Variants in CNTN4 observed in about 807,000 individuals in gnomAD.
The protein encoded by CNTN4 is contactin-4.
CNTN4 carries 77 observed loss-of-function variants against 122.5 expected under a neutral mutation model. The observed-to-expected ratio is 0.63, with a 90% CI of 0.52 to 0.76. The LOEUF is 0.76. CNTN4 is among the 30% of genes least tolerant of loss of function. The pLI is 0.00. For missense variants in CNTN4, 1,256 were observed against 1,259.1 expected (o/e 1.00, Z 0.04); for synonymous variants, 512 against 447.0 (o/e 1.15, Z -1.83).
At chr3:2,435,179 C>T (rs1244159864) in intron 3 of CNTN4, among the ~76,000 whole-genome samples, 1 of 152,104 alleles carries the variant, frequency 6.6e-6, no homozygotes, top group East Asian at 1.9e-4. Flanking sequence ...ATTACCAATT[C>T]ATAAACTTCT....
At chr3:2,120,405 A>ATATATATATTT (rs1428527983) in intron 2 of CNTN4, among the ~76,000 whole-genome samples, 1 of 40,872 alleles carries the variant, frequency 2.4e-5, no homozygotes, top group South Asian at 9.4e-4. Context: ...ATATATATAT[A>ATATATATATTT]TTTTTTTTTT....
At chr3:2,772,921 T>C (rs1034100697) in intron 6 of CNTN4, among the ~76,000 whole-genome samples, 1 of 151,992 alleles carries the variant, frequency 6.6e-6, no homozygotes, top group Non-Finnish European at 1.5e-5. Flanking sequence ...GAGATAGGAA[T>C]CAGGAGAGGA....
intron 12 of CNTN4, among the ~76,000 whole-genome samples, chr3:2,920,817 C>T (rs1274238962): frequency 6.6e-5 from 10 of 151,650 alleles, no homozygotes; most frequent in Non-Finnish European, 1.3e-4. Flanking sequence ...TTCATAATAA[C>T]GCCCAAAGGA....
At position 3,026,181 on chromosome 3, in the gene CNTN4, G is replaced by T; in HGVS notation, c.1566G>T (p.Thr522=). Residue 522 remains threonine, a synonymous_variant, in exon 15 of 25, where the codon ACG becomes ACT. Coordinates refer to ENST00000418658, the MANE Select transcript of CNTN4 (RefSeq NM_175607.3). ...GTATTGTTTTACCGTGCCAGGTAAC[G>T]CATGATCACTCGCTAGACATCGTGT... The part of the protein sequence containing the change: ...GESIVLPCQV[T]HDHSLDIVFT... 6.2e-7 allele frequency: 1 copy of T among 1,613,204 alleles called. No homozygotes were observed. The highest frequency in any genetic ancestry group is 1.7e-5 in the Admixed American group (1 of 59,948).
intron 3 of CNTN4, among the ~76,000 whole-genome samples, chr3:2,349,256 A>G (rs2044517244): frequency 6.6e-6 from 1 of 151,878 alleles, no homozygotes; most frequent in Non-Finnish European, 1.5e-5. Context: ...TTTTTTTCAC[A>G]TGACCTTCTG....
At chr3:2,541,484 T>C (rs1288101147) in intron 3 of CNTN4, among the ~76,000 whole-genome samples, 1 of 152,164 alleles carries the variant, frequency 6.6e-6, no homozygotes, top group African/African-American at 2.4e-5. Context: ...TATAAAATTC[T>C]GATAGCACTT....
At chr3:2,631,955 G>T (rs1576290584) in intron 4 of CNTN4, among the ~76,000 whole-genome samples, 2 of 151,634 alleles carry the variant, frequency 1.3e-5, no homozygotes, top group East Asian at 3.9e-4. Context: ...AGCAGGCTGA[G>T]TGAGAGGATC....
chr3:2,377,083 G>A (rs1196970226), intron 3 of CNTN4, among the ~76,000 whole-genome samples: 2 of 151,926 alleles, frequency 1.3e-5, no homozygotes, highest in Non-Finnish European at 2.9e-5. Context: ...TTGAACCCGG[G>A]AGGCAGAGGT....
At chr3:2,489,174 G>T (rs182962152) in intron 3 of CNTN4, among the ~76,000 whole-genome samples, 151 of 152,254 alleles carry the variant, frequency 9.9e-4, no homozygotes, top group Non-Finnish European at 1.6e-3. Flanking sequence ...ACTTATGCCA[G>T]TCCTGAGAGG....
intron 4 of CNTN4, among the ~76,000 whole-genome samples, chr3:2,642,803 C>T (rs1251692614): frequency 6.6e-6 from 1 of 152,170 alleles, no homozygotes; most frequent in Non-Finnish European, 1.5e-5. Context: ...TCCTTCCTCA[C>T]TCATCTCCAC....
At chr3:2,700,975 G>A (rs2086325578) in intron 4 of CNTN4, among the ~76,000 whole-genome samples, 1 of 152,138 alleles carries the variant, frequency 6.6e-6, no homozygotes, top group African/African-American at 2.4e-5. Flanking sequence ...TGTCCAAAGT[G>A]GTTGAGATGT....
chr3:2,551,565 A>G lies in CNTN4; in HGVS notation c.-88-19851A>G, dbSNP rs531335689. Among the ~76,000 whole-genome samples the G allele has an allele frequency of 2.6e-5, 4 of 152,326 alleles. No individual in the cohort carries two copies. In the East Asian group the frequency reaches 7.7e-4, roughly 29 times the overall value. On this transcript the variant is annotated intron_variant, in intron 3 of 24. Transcript: ENST00000418658. ...ATCACCTTAATACTTTGTAATGATC[A>G]TGAAAGGATTTTTGAAAAAAAGAAA...
At position 3,042,998 on chromosome 3, in the gene CNTN4, G is replaced by A. The variant is rs1415088628; in HGVS notation, c.2533G>A (p.Asp845Asn). ...TTAGGTTAAATATTGGAGACATGAA[G>A]ACAAAGAAGAAAATGCTAGAAAAAT... ...GYEVKYWRHE[D>N]KEENARKIRT... The change falls in exon 22 of 25, where the codon GAC becomes AAC. Residue 845 changes from aspartate to asparagine, a missense_variant. By Grantham distance (23) the Asp-to-Asn change is conservative. Transcript: ENST00000418658. 6.2e-7 allele frequency: 1 copy of A among 1,613,988 alleles called. No homozygotes were observed. The highest frequency in any genetic ancestry group is 8.5e-7 in the Non-Finnish European group (1 of 1,179,870).
intron 4 of CNTN4, among the ~76,000 whole-genome samples, chr3:2,657,961 G>T (rs2083673671): frequency 6.6e-6 from 1 of 150,478 alleles, no homozygotes. Context: ...GTATCAGGTG[G>T]TAACTGAAGC....
chr3:2,365,731 AT>A (rs781440810), intron 3 of CNTN4, among the ~76,000 whole-genome samples: 28 of 152,184 alleles, frequency 1.8e-4, no homozygotes, highest in Non-Finnish European at 2.5e-4. Context: ...AAATAAAAAA[AT>A]ATATATATAC....
At chr3:2,719,116 G>A (rs1197448431) in intron 4 of CNTN4, among the ~76,000 whole-genome samples, 1 of 152,156 alleles carries the variant, frequency 6.6e-6, no homozygotes, top group Non-Finnish European at 1.5e-5. Flanking sequence ...TATGTTCAAT[G>A]AAGGAAGGGA....
intron 2 of CNTN4, among the ~76,000 whole-genome samples, chr3:2,188,584 CTG>C (rs1439986266): frequency 6.6e-6 from 1 of 152,120 alleles, no homozygotes; most frequent in East Asian, 1.9e-4. Context: ...GGGTGAGAAA[CTG>C]TACCCATTTC....
intron 3 of CNTN4, among the ~76,000 whole-genome samples, chr3:2,475,385 A>G (rs1298419463): frequency 6.6e-6 from 1 of 152,230 alleles, no homozygotes; most frequent in African/African-American, 2.4e-5. Flanking sequence ...CAAGAGGGTA[A>G]GGATATGACA....
intron 3 of CNTN4, among the ~76,000 whole-genome samples, chr3:2,568,854 C>T (rs1166415316): frequency 5.9e-5 from 9 of 152,172 alleles, no homozygotes; most frequent in Admixed American, 5.2e-4. Flanking sequence ...TAAATACTAT[C>T]ATATCATGAA....
Sources: gnomAD v4.1 joint callset for allele counts (sites outside exome capture counted in the v4.1 genomes callset) on GRCh38, gnomAD v4.1.1 for gene constraint, MANE v1.5 for transcripts, NCBI Gene and HGNC (gene_info 2026-07-23, HGNC 2026-07-21) for gene names.